The following XYLT1 variants were observed in gnomAD, a reference collection of about 807,000 sequenced individuals.
XYLT1 encodes the protein xylosyltransferase 1.
Under a neutral mutation model 91.3 loss-of-function variants are expected in XYLT1, and 36 were observed. That is an observed-to-expected ratio of 0.39 (90% CI 0.30 to 0.52). XYLT1 has a LOEUF of 0.52. Ranked by LOEUF, XYLT1 falls within the 20% of genes least tolerant of loss-of-function variation. XYLT1 has a pLI of 0.68. For missense variants in XYLT1, 1,242 were observed against 1,284.5 expected (o/e 0.97, Z 0.51); for synonymous variants, 588 against 532.0 (o/e 1.11, Z -1.45).
intron 6 of XYLT1, among the ~76,000 whole-genome samples, chr16:17,157,297 TTCCTCCCATGCTGTGGATAAC>T (rs2031431185): frequency 6.6e-6 from 1 of 152,160 alleles, no homozygotes; most frequent in African/African-American, 2.4e-5. Context: ...CTTGCTTTTG[TTCCTCCCATGCTGTGGATAAC>T]TGGGTAAACT....
At chr16:17,467,373 T>C (rs1391788257) in intron 1 of XYLT1, among the ~76,000 whole-genome samples, 1 of 152,190 alleles carries the variant, frequency 6.6e-6, no homozygotes, top group Non-Finnish European at 1.5e-5. Context: ...CTTGTGACAG[T>C]TCTCCCAATA....
chr16:17,313,012 G>C (rs772701725), intron 2 of XYLT1, among the ~76,000 whole-genome samples: 8 of 152,230 alleles, frequency 5.3e-5, no homozygotes, highest in Non-Finnish European at 1.0e-4. Flanking sequence ...CTGGGAGAGA[G>C]GGCATGTCCG....
intron 3 of XYLT1, among the ~76,000 whole-genome samples, chr16:17,206,488 G>C (rs970926735): frequency 6.6e-6 from 1 of 152,052 alleles, no homozygotes; most frequent in Non-Finnish European, 1.5e-5. Context: ...AACCAGCCAC[G>C]GGGGCCTGGG....
intron 2 of XYLT1, among the ~76,000 whole-genome samples, chr16:17,336,312 G>A (rs1016602803): frequency 3.3e-5 from 5 of 152,200 alleles, no homozygotes; most frequent in African/African-American, 1.2e-4. Flanking sequence ...CCCCCACGGC[G>A]GTTCCCCAGT....
intron 1 of XYLT1, among the ~76,000 whole-genome samples, chr16:17,398,814 C>A: frequency 2.5e-5 from 1 of 40,114 alleles, no homozygotes; most frequent in Admixed American, 3.0e-4. Flanking sequence ...GTCCAAATGT[C>A]CCCGCCCCCC....
chr16:17,156,174 A>G (rs573320542), intron 6 of XYLT1, among the ~76,000 whole-genome samples: 11 of 152,382 alleles, frequency 7.2e-5, no homozygotes, highest in Admixed American at 2.6e-4. Flanking sequence ...ACAGTAGATC[A>G]GAATTCCAAA....
intron 3 of XYLT1, among the ~76,000 whole-genome samples, chr16:17,214,350 C>G (rs775669506): frequency 3.7e-4 from 56 of 152,194 alleles, no homozygotes; most frequent in Admixed American, 1.6e-3. Context: ...AAGATTCTAG[C>G]TCATCATCAG....
intron 2 of XYLT1, among the ~76,000 whole-genome samples, chr16:17,320,214 G>A (rs901929916): frequency 1.3e-5 from 2 of 152,164 alleles, no homozygotes; most frequent in Non-Finnish European, 2.9e-5. Context: ...AAAAGGAACC[G>A]TGCCTGTTTT....
intron 3 of XYLT1, among the ~76,000 whole-genome samples, chr16:17,231,612 C>G (rs1160370489): frequency 6.6e-6 from 1 of 152,152 alleles, no homozygotes; most frequent in Non-Finnish European, 1.5e-5. Context: ...TTACACAAAC[C>G]TACATGGGGT....
At chr16:17,395,045 A>G (rs565615931) in intron 1 of XYLT1, among the ~76,000 whole-genome samples, 3 of 152,226 alleles carry the variant, frequency 2.0e-5, no homozygotes, top group African/African-American at 7.2e-5. Flanking sequence ...ACTCACTCAC[A>G]GTTCCACATG....
chr16:17,399,451 C>T (rs2035935561), intron 1 of XYLT1, among the ~76,000 whole-genome samples: 1 of 152,178 alleles, frequency 6.6e-6, no homozygotes, highest in Non-Finnish European at 1.5e-5. Flanking sequence ...CTCCTCATTA[C>T]ACTGTGGAAA....
intron 2 of XYLT1, among the ~76,000 whole-genome samples, chr16:17,337,779 T>TC (rs1567381014): frequency 2.2e-5 from 3 of 135,222 alleles, no homozygotes; most frequent in African/African-American, 3.2e-5. Context: ...TTTTTTCTTT[T>TC]TCTTTTTTTT....
intron 1 of XYLT1, among the ~76,000 whole-genome samples, chr16:17,386,039 T>C (rs2035744373): frequency 1.3e-5 from 2 of 152,186 alleles, no homozygotes; most frequent in South Asian, 2.1e-4. Context: ...GCCAACACGA[T>C]ATGAATACTG....
At chr16:17,341,416 TGATAA>T (rs1453258725) in intron 2 of XYLT1, among the ~76,000 whole-genome samples, 1 of 151,848 alleles carries the variant, frequency 6.6e-6, no homozygotes, top group Admixed American at 6.6e-5. Context: ...AGGAGATGAG[TGATAA>T]GATAGAGAGG....
At chr16:17,161,671 T>TCA (rs1555484011) in intron 5 of XYLT1, among the ~76,000 whole-genome samples, 3 of 94,296 alleles carry the variant, frequency 3.2e-5, no homozygotes, top group East Asian at 3.3e-4. Flanking sequence ...TTCCAGTTTC[T>TCA]CGCGCGCTCT....
intron 9 of XYLT1, among the ~76,000 whole-genome samples, chr16:17,133,696 C>T (rs12927122): frequency 0.18 from 27,419 of 152,112 alleles, 2,866 homozygotes; most frequent in South Asian, 0.33. Context: ...GGGTACACAA[C>T]GTGAAAGTCT....
intron 5 of XYLT1, among the ~76,000 whole-genome samples, chr16:17,160,097 G>C (rs543083320): frequency 4.3e-4 from 66 of 152,296 alleles, no homozygotes; most frequent in African/African-American, 1.5e-3. Context: ...CAATGCTTGG[G>C]CAGAAACAGA....
chr16:17,349,483 A>T (rs761512581), intron 2 of XYLT1, among the ~76,000 whole-genome samples: 2 of 152,132 alleles, frequency 1.3e-5, no homozygotes, highest in Non-Finnish European at 2.9e-5. Flanking sequence ...CAACTTTTAA[A>T]AGGAAACTTG....
chr16:17,320,236 T>C (rs1312668972), intron 2 of XYLT1, among the ~76,000 whole-genome samples: 2 of 152,218 alleles, frequency 1.3e-5, no homozygotes, highest in African/African-American at 4.8e-5. Context: ...ATTAGCAGTG[T>C]ATTTCCAAAA....
Sources: allele counts gnomAD v4.1 joint callset (sites outside exome capture counted in the v4.1 genomes callset), GRCh38; gene constraint gnomAD v4.1.1; transcripts MANE v1.5; gene names NCBI Gene and HGNC (gene_info 2026-07-23, HGNC 2026-07-21).